PLCZ1: variants seen among roughly 807,000 people sequenced by gnomAD.
PLCZ1 encodes phospholipase C zeta 1.
A neutral mutation model predicts 76.8 loss-of-function variants in PLCZ1; 64 were observed. The ratio of observed to expected loss-of-function variants is 0.83; its 90% CI spans 0.68 to 1.03. PLCZ1 has a LOEUF of 1.03. Ranked by LOEUF, PLCZ1 falls within the 50% of genes least tolerant of loss-of-function variation. The pLI is 0.00. For missense variants in PLCZ1, 751 were observed against 713.7 expected (o/e 1.05, Z -0.60); for synonymous variants, 248 against 230.8 (o/e 1.07, Z -0.68).
chr12:18,656,637 C>G, the PLCZ1 span, among the ~76,000 whole-genome samples: 1 of 151,818 alleles, frequency 6.6e-6, no homozygotes, highest in Admixed American at 6.6e-5. Flanking sequence ...TTGGGAAGCT[C>G]AGGTGGAAGG....
the PLCZ1 span, among the ~76,000 whole-genome samples, chr12:18,663,726 C>A: frequency 6.6e-6 from 1 of 151,060 alleles, no homozygotes; most frequent in African/African-American, 2.4e-5. Context: ...ACACAAACAA[C>A]AGAAGAAAAA....
At chr12:18,663,826 AAAATATTAGC>A in the PLCZ1 span, among the ~76,000 whole-genome samples, 1 of 152,182 alleles carries the variant, frequency 6.6e-6, no homozygotes, top group African/African-American at 2.4e-5. Context: ...AAAATGGAAG[AAAATATTAGC>A]AAATCATACA....
chr12:18,702,415 G>A (rs1028023064), intron 7 of PLCZ1, among the ~76,000 whole-genome samples: 1 of 151,998 alleles, frequency 6.6e-6, no homozygotes, highest in African/African-American at 2.4e-5. Context: ...CTGCCCTTAG[G>A]ATAATTTCTT....
chr12:18,681,691 G>A (rs553601429), downstream of PLCZ1, among the ~76,000 whole-genome samples: 33 of 152,086 alleles, frequency 2.2e-4, no homozygotes, highest in South Asian at 1.0e-3. Context: ...CGCAAAGTCC[G>A]TATTCCTAAT....
At position 18,694,771 on chromosome 12, in the gene PLCZ1, C is replaced by T. The variant is rs116803261; in HGVS notation, c.1461+139G>A. The T allele has an allele frequency of 2.2e-3, 1,465 of 654,128 alleles. 15 individuals carry two copies. The African/African-American group carries it at 0.024, about 11-fold the overall frequency. 40.5% of individuals were successfully genotyped at this position (654,128 alleles called of 1,614,324 possible). On this transcript the variant is annotated intron_variant, in intron 12 of 14. Coordinates refer to ENST00000266505, the MANE Select transcript of PLCZ1 (RefSeq NM_033123.4). Reference sequence around the variant, plus strand: ...TCAGATATAGAAGGATGCTGGAATACTACCCACATATAGTACCTGAAAAGA... The same window carrying T: ...TCAGATATAGAAGGATGCTGGAATATTACCCACATATAGTACCTGAAAAGA...
intron 5 of PLCZ1, among the ~76,000 whole-genome samples, chr12:18,713,551 C>A (rs1366689121): frequency 6.6e-6 from 1 of 152,110 alleles, no homozygotes; most frequent in Non-Finnish European, 1.5e-5. Context: ...AGTATGGAAG[C>A]TAGAGGGCCT....
the PLCZ1 span, among the ~76,000 whole-genome samples, chr12:18,678,159 G>A: frequency 3.3e-5 from 5 of 151,968 alleles, no homozygotes; most frequent in Admixed American, 6.6e-5. Context: ...TCAATTCTGT[G>A]TCCCCACTTA....
At chr12:18,656,059 T>G in the PLCZ1 span, among the ~76,000 whole-genome samples, 1 of 152,182 alleles carries the variant, frequency 6.6e-6, no homozygotes, top group African/African-American at 2.4e-5. Context: ...TAATATAAGT[T>G]GTTAATACTA....
chr12:18,696,255 T>TA lies in PLCZ1; in HGVS notation c.1185dup (p.Ile396TyrfsTer22). 2 of 1,546,616 alleles carry TA rather than the reference T, an allele frequency of 1.3e-6. No individual in the cohort carries two copies. Among genetic ancestry groups the TA allele is most frequent in the South Asian group, 2.2e-5 (2 of 89,052 alleles). ...GTAATGAACTTCCTGGTGTGAAAAA[T>TA]AAACTCATGGACTGAAAAAGAATAA... On this transcript the variant is annotated frameshift_variant, in exon 11 of 15. Transcript: ENST00000266505. LOFTEE classifies it high-confidence loss of function.
the PLCZ1 span, among the ~76,000 whole-genome samples, chr12:18,674,023 G>T: frequency 6.6e-6 from 1 of 152,180 alleles, no homozygotes; most frequent in African/African-American, 2.4e-5. Flanking sequence ...AAAGGCAGTG[G>T]ATTACACAAA....
intron 13 of PLCZ1, among the ~76,000 whole-genome samples, chr12:18,684,850 G>T (rs1190569460): frequency 1.3e-5 from 2 of 151,896 alleles, no homozygotes; most frequent in Non-Finnish European, 2.9e-5. Flanking sequence ...GGATTATAGG[G>T]GGCTGTTCTC....
intron 3 of PLCZ1, among the ~76,000 whole-genome samples, chr12:18,729,018 T>A (rs2150748818): frequency 6.6e-6 from 1 of 152,162 alleles, no homozygotes; most frequent in Non-Finnish European, 1.5e-5. Flanking sequence ...TCTCTCTGAA[T>A]ACTAGCTTCC....
At chr12:18,735,078 C>T (rs1478106417) in intron 3 of PLCZ1, among the ~76,000 whole-genome samples, 2 of 152,070 alleles carry the variant, frequency 1.3e-5, no homozygotes, top group Non-Finnish European at 1.5e-5. Flanking sequence ...TATGTTGAGC[C>T]ATCCTTGCAT....
At chr12:18,693,557 G>A in intron 12 of PLCZ1, 1 of 1,606,960 alleles carries the variant, frequency 6.2e-7, no homozygotes, top group Non-Finnish European at 8.5e-7. Flanking sequence ...GAAGTACCTA[G>A]GTGATGGGCC....
At chr12:18,710,518 G>T (rs1410787810) in intron 6 of PLCZ1, among the ~76,000 whole-genome samples, 1 of 151,992 alleles carries the variant, frequency 6.6e-6, no homozygotes, top group East Asian at 1.9e-4. Flanking sequence ...GAGTGAGGCC[G>T]AAGGCTTTGA....
the PLCZ1 span, among the ~76,000 whole-genome samples, chr12:18,660,652 T>C: frequency 6.6e-6 from 1 of 152,118 alleles, no homozygotes; most frequent in Non-Finnish European, 1.5e-5. Flanking sequence ...GAGAAGCCTA[T>C]ATCAATTAAA....
the PLCZ1 span, among the ~76,000 whole-genome samples, chr12:18,675,132 G>T: frequency 6.6e-6 from 1 of 152,116 alleles, no homozygotes. Context: ...ATTTTAAATT[G>T]TATTTGATTT....
the PLCZ1 span, among the ~76,000 whole-genome samples, chr12:18,670,278 A>T: frequency 6.6e-6 from 1 of 151,926 alleles, no homozygotes; most frequent in African/African-American, 2.4e-5. Flanking sequence ...CAATTACAGA[A>T]ATTACACACA....
At chr12:18,714,135 G>T (rs1255853671) in intron 5 of PLCZ1, among the ~76,000 whole-genome samples, 3 of 152,134 alleles carry the variant, frequency 2.0e-5, no homozygotes, top group African/African-American at 7.2e-5. Context: ...ACTACCAAGA[G>T]TTCACTCAAA....
Sources: gnomAD v4.1 joint callset for allele counts (sites outside exome capture counted in the v4.1 genomes callset) on GRCh38, gnomAD v4.1.1 for gene constraint, MANE v1.5 for transcripts, NCBI Gene and HGNC (gene_info 2026-07-23, HGNC 2026-07-21) for gene names.